The following ARHGEF38 variants were observed in gnomAD, a reference collection of about 807,000 sequenced individuals.
ARHGEF38 encodes Rho guanine nucleotide exchange factor (GEF) 38.
In ARHGEF38, 79 loss-of-function variants were observed where a neutral mutation model predicts 79.9. The ratio of observed to expected loss-of-function variants is 0.99; its 90% confidence interval spans 0.82 to 1.19. The LOEUF (loss-of-function observed/expected upper bound fraction) is 1.19. Among genes scored for constraint, ARHGEF38 ranks in the 50% most tolerant of loss-of-function variants. The pLI, the probability that ARHGEF38 is intolerant of heterozygous loss-of-function variation, is 0.00. For synonymous variants in ARHGEF38, 366 were observed against 328.3 expected (o/e 1.11, Z -1.24); for missense variants, 962 against 907.2 (o/e 1.06, Z -0.78).
At chr4:105,572,434 T>C (rs1395440610) in intron 1 of ARHGEF38, among the ~76,000 whole-genome samples, 2 of 152,134 alleles carry the variant, frequency 1.3e-5, no homozygotes, top group East Asian at 3.8e-4. Context: ...AGTGTACAGT[T>C]CCGTGGCATT....
chr4:105,623,604 G>A lies in ARHGEF38; in HGVS notation c.509-7294G>A, dbSNP rs935877215. Reference sequence around the variant, plus strand: ...AGTTGTTAAAGAATCCTGACCTGGAGTTAAAGTATCTAGAAGTCAACAAGG... The same window carrying A: ...AGTTGTTAAAGAATCCTGACCTGGAATTAAAGTATCTAGAAGTCAACAAGG... On this transcript the variant is annotated intron_variant, in intron 3 of 13. Transcript: ENST00000420470. 7.9e-5 allele frequency among the ~76,000 whole-genome samples: 12 copies of A among 152,210 alleles called. No homozygotes were observed. In the East Asian group the frequency reaches 1.9e-3, roughly 24 times the overall value.
intron 2 of ARHGEF38, among the ~76,000 whole-genome samples, chr4:105,592,071 C>T (rs1398136046): frequency 2.0e-5 from 3 of 152,132 alleles, no homozygotes; most frequent in Admixed American, 2.0e-4. Flanking sequence ...ACTACCTTTC[C>T]TTATGGTACA....
intron 13 of ARHGEF38, among the ~76,000 whole-genome samples, chr4:105,669,451 G>C (rs1193188685): frequency 6.6e-6 from 1 of 152,140 alleles, no homozygotes; most frequent in Non-Finnish European, 1.5e-5. Flanking sequence ...TAAAATATTA[G>C]AGGGCCAAAG....
At chr4:105,573,267 A>G (rs1299689513) in intron 1 of ARHGEF38, among the ~76,000 whole-genome samples, 1 of 152,152 alleles carries the variant, frequency 6.6e-6, no homozygotes, top group African/African-American at 2.4e-5. Context: ...TTTCTTCAGA[A>G]AAGAAGAAAA....
intron 3 of ARHGEF38, among the ~76,000 whole-genome samples, chr4:105,615,297 A>G (rs540053314): frequency 6.6e-6 from 1 of 152,346 alleles, no homozygotes; most frequent in African/African-American, 2.4e-5. Context: ...ATGAGACACA[A>G]AAGTTTCTGG....
chr4:105,564,135 G>C (rs1213794512), intron 1 of ARHGEF38, among the ~76,000 whole-genome samples: 2 of 152,064 alleles, frequency 1.3e-5, no homozygotes, highest in African/African-American at 2.4e-5. Context: ...TACCCAAAGA[G>C]GGGAATATAT....
chr4:105,594,232 T>G (rs372394668), intron 2 of ARHGEF38, among the ~76,000 whole-genome samples: 3 of 152,228 alleles, frequency 2.0e-5, no homozygotes, highest in Admixed American at 2.0e-4. Flanking sequence ...AGCGTTTATA[T>G]GAGTGCTGAG....
At position 105,613,490 on chromosome 4, in the gene ARHGEF38, C is replaced by G. The variant is rs768599156; in HGVS notation, c.491C>G (p.Pro164Arg). The G allele has an allele frequency of 6.2e-7, 1 of 1,612,566 alleles. No individual in the cohort carries two copies. Among genetic ancestry groups the G allele is most frequent in the African/African-American group, 1.3e-5 (1 of 74,852 alleles). The change falls in exon 3 of 14, where the codon CCG (proline) becomes CGG (arginine). Residue 164 changes from proline to arginine, a missense_variant. Transcript: ENST00000420470. Reference sequence around the variant, plus strand: ...GAAGAGGCCACAACAGACGTGGAACCGGCCATGCAAGTAATTGGTATGTTT... The same window carrying G: ...GAAGAGGCCACAACAGACGTGGAACGGGCCATGCAAGTAATTGGTATGTTT... Reference protein sequence around the residue: ...LLEEATTDVEPAMQVIGEVFL... With the variant: ...LLEEATTDVERAMQVIGEVFL...
intron 6 of ARHGEF38, 55 bp from the exon 7 acceptor site, chr4:105,648,494 G>T: frequency 7.1e-7 from 1 of 1,407,126 alleles, no homozygotes; most frequent in Non-Finnish European, 9.2e-7. Flanking sequence ...TGGGTGAAGT[G>T]CACACTTTCT....
intron 1 of ARHGEF38, 52 bp downstream of exon 1, chr4:105,553,013 C>A: frequency 1.4e-6 from 2 of 1,419,212 alleles, no homozygotes; most frequent in South Asian, 1.4e-5. Context: ...AGCTCCATTT[C>A]TGCTACGTTT....
intron 9 of ARHGEF38, 92 bp from the exon 10 acceptor site, chr4:105,658,962 C>T (rs2110563223): frequency 8.9e-7 from 1 of 1,122,350 alleles, no homozygotes; most frequent in Non-Finnish European, 1.2e-6. Context: ...TTGTGCTTCT[C>T]GTGGGGGAAA....
chr4:105,600,174 C>A (rs1727762160), intron 2 of ARHGEF38, among the ~76,000 whole-genome samples: 2 of 152,064 alleles, frequency 1.3e-5, no homozygotes, highest in African/African-American at 4.8e-5. Context: ...ACAGTCTTGC[C>A]CTAGTAAAGT....
At chr4:105,561,404 A>AGAATAGAATGGAATG (rs1560684101) in intron 1 of ARHGEF38, among the ~76,000 whole-genome samples, 1 of 37,832 alleles carries the variant, frequency 2.6e-5, no homozygotes, top group African/African-American at 1.0e-4. Flanking sequence ...GTAGAATAAT[A>AGAATAGAATGGAATG]GAATAGAATA....
chr4:105,566,451 A>G (rs564120208), intron 1 of ARHGEF38, among the ~76,000 whole-genome samples: 98 of 152,226 alleles, frequency 6.4e-4, no homozygotes, highest in Middle Eastern at 3.4e-3. Context: ...TAATAGGTGC[A>G]TATATTTATG....
rs1731250009 is a variant in ARHGEF38, at chr4:105,679,829, A to G, written c.*1892A>G. The stretch of plus-strand genomic sequence containing the variant: ...TCCAGAGAGATGGATATAGGACTCA[A>G]TATCCTGAGGAGGAGAACTTTGAAT... On this transcript the variant is annotated 3_prime_UTR_variant, in exon 14 of 14. Coordinates refer to ENST00000420470, the MANE Select transcript of ARHGEF38 (RefSeq NM_001242729.2). 7.6e-7 allele frequency: 1 copy of G among 1,314,398 alleles called. No homozygotes were observed. Among genetic ancestry groups the G allele is most frequent in the Non-Finnish European group, 1.1e-6 (1 of 912,552 alleles). The allele number at this position is 1,314,398 out of a possible 1,614,324, so 81.4% of individuals were successfully genotyped here.
At chr4:105,631,452 T>A in intron 4 of ARHGEF38, 2 of 986,180 alleles carry the variant, frequency 2.0e-6, no homozygotes, top group Non-Finnish European at 2.4e-6. Flanking sequence ...CAACTCTGCA[T>A]GGCCGTCTTC....
chr4:105,600,316 A>C (rs1296061067), intron 2 of ARHGEF38, among the ~76,000 whole-genome samples: 1 of 152,212 alleles, frequency 6.6e-6, no homozygotes, highest in African/African-American at 2.4e-5. Context: ...TTAGTTATGC[A>C]AACAATTAAT....
rs1296776959 is a variant in ARHGEF38 at position 105,648,461 on chromosome 4, A to G, written c.875-88A>G. 9 of 1,206,844 alleles carry G rather than the reference A, an allele frequency of 7.5e-6. No homozygotes were observed. The South Asian group carries it at 1.1e-4, about 15-fold the overall frequency. The allele number at this position is 1,206,844 out of a possible 1,614,324, so 74.8% of individuals were successfully genotyped here. ...AATCATATACATATTTATCTTGAAT[A>G]TAAATACTCGTCTTGAAAACTTTGG... On this transcript the variant is annotated intron_variant, in intron 6 of 13. Transcript: ENST00000420470.
At position 105,666,311 on chromosome 4, in the gene ARHGEF38, G is replaced by T; in HGVS notation, c.1680G>T (p.Val560=). The T allele has an allele frequency of 1.3e-6, 2 of 1,525,872 alleles. No homozygotes were observed. Among genetic ancestry groups the T allele is most frequent in the Non-Finnish European group, 1.7e-6 (2 of 1,143,382 alleles). The allele number at this position is 1,525,872 out of a possible 1,614,324, so 94.5% of individuals were successfully genotyped here. The change falls in exon 11 of 14, where the codon GTG becomes GTT. Residue 560 remains valine (V), a synonymous_variant. Coordinates refer to ENST00000420470, the MANE Select transcript of ARHGEF38 (RefSeq NM_001242729.2). ...RKLSFEKKKP[V]QILPEMPHQT... is the part of the protein sequence containing the mutation. ...TCAGTTTTGAAAAGAAGAAACCTGT[G>T]CAGATTCTGGTGAGTTTGGCAGCAT...
Sources: gnomAD v4.1 joint callset for allele counts (sites outside exome capture counted in the v4.1 genomes callset) on GRCh38, gnomAD v4.1.1 for gene constraint, MANE v1.5 for transcripts, NCBI Gene and HGNC (gene_info 2026-07-23, HGNC 2026-07-21) for gene names.